Variants in ADSL observed in about 807,000 individuals in gnomAD.
ADSL encodes the protein adenylosuccinate lyase.
In ADSL, 44 loss-of-function variants were observed where a neutral mutation model predicts 62.1. The observed-to-expected ratio is 0.71, with a 90% CI of 0.56 to 0.91. The LOEUF (loss-of-function observed/expected upper bound fraction) is 0.91, where lower values mean the gene tolerates loss of function less well. Ranked by LOEUF, ADSL falls within the 40% of genes least tolerant of loss-of-function variation. The pLI, the probability that ADSL is intolerant of heterozygous loss-of-function variation, is 0.00. For synonymous variants in ADSL, 198 were observed against 220.5 expected (o/e 0.90, Z 0.90); for missense variants, 531 against 627.4 (o/e 0.85, Z 1.64).
chr22:40,354,463 A>G, intron 4 of ADSL, 136 bp downstream of exon 4: 1 of 785,928 alleles, frequency 1.3e-6, no homozygotes, highest in Non-Finnish European at 2.3e-6. Flanking sequence ...GATGCTTATA[A>G]GGAATGAGCC....
In ADSL at chr22:40,366,541, C is replaced by G; in HGVS notation, c.*19C>G. 6.4e-7 allele frequency: 1 copy of G among 1,561,994 alleles called. No individual in the cohort carries two copies. Among genetic ancestry groups the G allele is most frequent in the Non-Finnish European group, 8.8e-7 (1 of 1,132,610 alleles). On this transcript the variant is annotated 3_prime_UTR_variant, in exon 13 of 13. Coordinates refer to ENST00000623063, the MANE Select transcript of ADSL (RefSeq NM_000026.4). ...TCTGTAGAGTTGGAAGAGAATTAAA[C>G]GAAAATCATTGTTAATTGCTGAGGC...
Position 40,361,321 on chromosome 22 carries a change from C to A in ADSL, c.841C>A (p.Pro281Thr). ...LLANLKEMEE[P>T]FEKQQIGSSA... is the part of the protein sequence containing the mutation. ...GGCAAACCTCAAGGAGATGGAGGAA[C>A]CCTTTGAAAAACAGCAGATTGGTGA... is the stretch of plus-strand genomic sequence containing the variant. Residue 281 changes from proline to threonine, a missense_variant, in exon 8 of 13, where the codon CCC (proline) becomes ACC (threonine). Pro to Thr is a conservative substitution (Grantham distance 38). Around this residue, in one of 2 missense-constraint regions of ADSL, gnomAD observed 471 missense variants for 592.9 expected, o/e 0.79. Coordinates refer to ENST00000623063, the MANE Select transcript of ADSL (RefSeq NM_000026.4). 6.2e-7 allele frequency: 1 copy of A among 1,614,192 alleles called. No homozygotes were observed. Among genetic ancestry groups the A allele is most frequent in the Non-Finnish European group, 8.5e-7 (1 of 1,180,040 alleles).
At chr22:40,356,437 A>T (rs1356742359) in intron 4 of ADSL, among the ~76,000 whole-genome samples, 1 of 151,538 alleles carries the variant, frequency 6.6e-6, no homozygotes, top group Non-Finnish European at 1.5e-5. Flanking sequence ...CAGGAGGCTG[A>T]GGCAGGAGAA....
downstream of ADSL, among the ~76,000 whole-genome samples, chr22:40,369,862 C>T (rs1253623404): frequency 6.6e-6 from 1 of 152,190 alleles, no homozygotes; most frequent in African/African-American, 2.4e-5. Context: ...TTAATGCCCT[C>T]TTTCCCTGGC....
chr22:40,355,018 A>T (rs1467698951), intron 4 of ADSL, among the ~76,000 whole-genome samples: 1 of 152,226 alleles, frequency 6.6e-6, no homozygotes, highest in Non-Finnish European at 1.5e-5. Context: ...GGTTTGTGTT[A>T]TGGTAACAAA....
At chr22:40,380,361 A>G (rs962122025) in intron 2 of ADSL, among the ~76,000 whole-genome samples, 1 of 143,874 alleles carries the variant, frequency 7.0e-6, no homozygotes, top group African/African-American at 2.6e-5. Context: ...ATGAATATCT[A>G]TAATTTTTTT....
intron 2 of ADSL, 175 bp downstream of exon 2, chr22:40,350,210 G>A (rs769373252): frequency 1.1e-4 from 69 of 612,836 alleles, no homozygotes; most frequent in Non-Finnish European, 1.6e-4. Context: ...TGCAAGCTCC[G>A]CCTCCTGGGT....
intron 2 of ADSL, chr22:40,378,106 G>A (rs1318431664): frequency 1.3e-5 from 2 of 152,142 alleles, no homozygotes; most frequent in African/African-American, 4.8e-5. Context: ...AAGACAAGAT[G>A]GTCACCTGGG....
chr22:40,353,445 A>G, intron 3 of ADSL: 1 of 699,994 alleles, frequency 1.4e-6, no homozygotes, highest in Non-Finnish European at 2.6e-6. Context: ...GGTGCATGCC[A>G]CCTCACCTGG....
At chr22:40,366,023 G>T (rs2044991072) in intron 12 of ADSL, among the ~76,000 whole-genome samples, 1 of 152,000 alleles carries the variant, frequency 6.6e-6, no homozygotes, top group South Asian at 2.1e-4. Context: ...CAATAAGGAG[G>T]CTACTGCAAC....
At chr22:40,361,929 C>A (rs1320644269) in intron 9 of ADSL, among the ~76,000 whole-genome samples, 2 of 152,090 alleles carry the variant, frequency 1.3e-5, no homozygotes, top group South Asian at 2.1e-4. Context: ...AAGACAAGAT[C>A]GGGAGCATTA....
chr22:40,386,686 T>G (rs2048517509), intron 2 of ADSL, among the ~76,000 whole-genome samples: 1 of 150,042 alleles, frequency 6.7e-6, no homozygotes, highest in African/African-American at 2.4e-5. Flanking sequence ...TCTCCCAAAG[T>G]GTTCGGGTTA....
At chr22:40,357,656 C>G (rs1354702237) in intron 4 of ADSL, among the ~76,000 whole-genome samples, 2 of 152,244 alleles carry the variant, frequency 1.3e-5, no homozygotes, top group Non-Finnish European at 2.9e-5. Context: ...CTATTCCTCA[C>G]TGGATCTTGA....
rs750871310 is a variant in ADSL, at chr22:40,349,847, A to G, written c.169A>G (p.Ile57Val). The G allele has an allele frequency of 2.5e-6, 4 of 1,614,140 alleles. No individual in the cohort carries two copies. The highest frequency in any genetic ancestry group is 1.7e-5 in the Admixed American group (1 of 60,028). ...TATTCTGCAGACATTGGGTTTGCCT[A>G]TCACAGATGAACAAATCCAGGAGAT... ...AEAEQTLGLPITDEQIQEMKS... is the reference protein window; with the variant it reads ...AEAEQTLGLPVTDEQIQEMKS... The change falls in exon 2 of 13, where the codon ATC becomes GTC. Residue 57 changes from isoleucine to valine, a missense_variant. Transcript: ENST00000623063.
intron 12 of ADSL, 41 bp downstream of exon 12, chr22:40,365,097 C>T: frequency 6.4e-7 from 1 of 1,569,604 alleles, no homozygotes; most frequent in East Asian, 2.2e-5. Context: ...GGCTGCAGAA[C>T]CTGGGGTACT....
At chr22:40,352,451 C>T (rs1307138043) in intron 2 of ADSL, among the ~76,000 whole-genome samples, 1 of 152,076 alleles carries the variant, frequency 6.6e-6, no homozygotes, top group Non-Finnish European at 1.5e-5. Context: ...TGGCGTGAAC[C>T]CGGGAGGTGG....
chr22:40,386,896 T>G (rs1418843122), intron 2 of ADSL, among the ~76,000 whole-genome samples: 1 of 152,206 alleles, frequency 6.6e-6, no homozygotes, highest in Non-Finnish European at 1.5e-5. Context: ...ATGAGAATTC[T>G]CTCCTAATTT....
rs1429427262 is a variant in ADSL, at chr22:40,346,529, A to G, written c.-30A>G. On this transcript the variant is annotated 5_prime_UTR_variant, in exon 1 of 13. Transcript: ENST00000623063. ...TTCCGCTTCCGCTCTTCCCTGGTCC[A>G]GTCCACCCTGGCGGGGTCGCAGGGT... The G allele has an allele frequency of 1.3e-6, 2 of 1,591,764 alleles. No homozygotes were observed. Among genetic ancestry groups the G allele is most frequent in the Non-Finnish European group, 1.7e-6 (2 of 1,172,726 alleles).
At chr22:40,353,353 C>T (rs183822228) in intron 3 of ADSL, 6 of 702,876 alleles carry the variant, frequency 8.5e-6, no homozygotes, top group South Asian at 4.4e-5. Flanking sequence ...TGTCAAGGGG[C>T]GTGATCAAGG....
Sources: allele counts gnomAD v4.1 joint callset (sites outside exome capture counted in the v4.1 genomes callset), GRCh38; gene constraint gnomAD v4.1.1; regional missense constraint gnomAD v4.1.1; transcripts MANE v1.5; gene names NCBI Gene and HGNC (gene_info 2026-07-23, HGNC 2026-07-21).